PLIN3: variants seen among roughly 807,000 people sequenced by gnomAD.
The protein encoded by PLIN3 is perilipin 3.
Under a neutral mutation model 35.9 loss-of-function variants are expected in PLIN3, and 30 were observed. The ratio of observed to expected loss-of-function variants is 0.84; its 90% confidence interval spans 0.62 to 1.13. PLIN3 has a LOEUF of 1.13. Among genes scored for constraint, PLIN3 ranks in the 50% most tolerant of loss-of-function variants. The probability of loss-of-function intolerance (pLI) is 0.00; values close to 1 mark genes in which losing one functional copy is unlikely to be tolerated. For missense variants in PLIN3, 603 were observed against 596.9 expected (o/e 1.01, Z -0.11); for synonymous variants, 261 against 262.5 (o/e 0.99, Z 0.06).
intron 6 of PLIN3, among the ~76,000 whole-genome samples, chr19:4,846,867 T>C (rs1599161692): frequency 6.6e-6 from 1 of 151,600 alleles, no homozygotes; most frequent in East Asian, 1.9e-4. Flanking sequence ...ATCTGTTGTT[T>C]ACATTTCCCA....
intron 1 of PLIN3, among the ~76,000 whole-genome samples, chr19:4,863,942 C>T (rs1196496852): frequency 1.3e-5 from 2 of 151,992 alleles, no homozygotes; most frequent in East Asian, 1.9e-4. Context: ...AAACTTTCTT[C>T]TCTTTCTTGA....
At chr19:4,866,526 C>T (rs1360582810) in intron 1 of PLIN3, 1 of 152,210 alleles carries the variant, frequency 6.6e-6, no homozygotes, top group Non-Finnish European at 1.5e-5. Context: ...AACTATCTCA[C>T]CGCACTCTGG....
At chr19:4,861,503 A>C (rs967324701) in intron 1 of PLIN3, 92 bp from the exon 2 acceptor site, 17 of 829,346 alleles carry the variant, frequency 2.0e-5, no homozygotes, top group Middle Eastern at 2.4e-4. Flanking sequence ...GACAGGGTTC[A>C]CACCTGCCCA....
intron 1 of PLIN3, among the ~76,000 whole-genome samples, chr19:4,864,111 G>A (rs1488669494): frequency 2.2e-3 from 20 of 9,296 alleles, no homozygotes; most frequent in South Asian, 0.014. Context: ...GTGTGTGTGT[G>A]TGTGTGTGTG....
chr19:4,856,658 G>A lies in PLIN3; in HGVS notation c.348+2932C>T, dbSNP rs1012722478. On this transcript the variant is annotated intron_variant, in intron 4 of 7. Transcript: ENST00000221957. ...AGCCTGTGCCCTGGTCCCAGCTGGG[G>A]AGACAAACAATAACCGATTAAGCCT... 5.3e-5 allele frequency among the ~76,000 whole-genome samples: 8 copies of A among 151,896 alleles called. No homozygotes were observed. The East Asian group carries it at 1.6e-3, about 30-fold the overall frequency.
At chr19:4,856,870 T>C (rs2030493807) in intron 4 of PLIN3, among the ~76,000 whole-genome samples, 1 of 151,830 alleles carries the variant, frequency 6.6e-6, no homozygotes, top group Non-Finnish European at 1.5e-5. Flanking sequence ...CACGCCTGGC[T>C]GATTTTTGAA....
At chr19:4,842,785 G>A (rs978577887) in intron 7 of PLIN3, among the ~76,000 whole-genome samples, 2 of 152,030 alleles carry the variant, frequency 1.3e-5, no homozygotes, top group African/African-American at 4.8e-5. Context: ...CGGGGAAACA[G>A]GAGACAGTTT....
intron 1 of PLIN3, among the ~76,000 whole-genome samples, chr19:4,865,380 A>G (rs1395311054): frequency 1.3e-5 from 2 of 150,070 alleles, no homozygotes; most frequent in African/African-American, 4.9e-5. Context: ...TCCCAGCTAC[A>G]CAGGAGGCTG....
intron 1 of PLIN3, among the ~76,000 whole-genome samples, chr19:4,862,306 A>AT (rs1490786396): frequency 1.3e-5 from 2 of 150,932 alleles, no homozygotes; most frequent in Admixed American, 6.6e-5. Flanking sequence ...AATTTTTTGT[A>AT]TTTTTTTAGT....
At chr19:4,860,513 C>T (rs2030640603) in intron 2 of PLIN3, among the ~76,000 whole-genome samples, 1 of 152,048 alleles carries the variant, frequency 6.6e-6, no homozygotes, top group South Asian at 2.1e-4. Context: ...CACGTGCTTC[C>T]TTGAACACAG....
chr19:4,861,553 G>T, intron 1 of PLIN3, 142 bp from the exon 2 acceptor site: 1 of 615,724 alleles, frequency 1.6e-6, no homozygotes, highest in Admixed American at 2.7e-5. Flanking sequence ...GCAGGCACAA[G>T]AGTGACCTCT....
At chr19:4,852,959 C>A (rs1390745081) in intron 4 of PLIN3, among the ~76,000 whole-genome samples, 1 of 151,948 alleles carries the variant, frequency 6.6e-6, no homozygotes, top group Non-Finnish European at 1.5e-5. Flanking sequence ...GGATTACAGG[C>A]ATGCGCCACC....
rs949714666 is a variant in PLIN3, at chr19:4,867,657, G to C, written c.-66C>G. The C allele has an allele frequency of 1.3e-5, 2 of 152,156 alleles. No individual in the cohort carries two copies. Among genetic ancestry groups the C allele is most frequent in the African/African-American group, 4.8e-5 (2 of 41,420 alleles). 9.4% of individuals were successfully genotyped at this position (152,156 alleles called of 1,614,324 possible). On this transcript the variant is annotated 5_prime_UTR_variant, in exon 1 of 8. Coordinates refer to ENST00000221957, the MANE Select transcript of PLIN3 (RefSeq NM_005817.5). ...AACAGCTGCCGCGACTTCAAAACCA[G>C]CTTGGAAACCGTCCGGGCCGAGGCG...
intron 6 of PLIN3, among the ~76,000 whole-genome samples, chr19:4,846,134 G>A (rs2030087530): frequency 6.6e-6 from 1 of 151,860 alleles, no homozygotes; most frequent in Non-Finnish European, 1.5e-5. Flanking sequence ...GCTGAGGCAG[G>A]AGAATGGCAT....
chr19:4,841,837 G>A (rs768164785), intron 7 of PLIN3, among the ~76,000 whole-genome samples: 36 of 148,878 alleles, frequency 2.4e-4, no homozygotes, highest in Non-Finnish European at 4.6e-4. Flanking sequence ...TCCGGGAGGC[G>A]GAGCTTGCAG....
intron 6 of PLIN3, among the ~76,000 whole-genome samples, chr19:4,845,802 T>C (rs1038620120): frequency 1.3e-5 from 2 of 149,320 alleles, no homozygotes; most frequent in African/African-American, 5.0e-5. Context: ...TGGGCGCCTG[T>C]AGTCCCAGCT....
At chr19:4,861,460 AG>A (rs1326005632) in intron 1 of PLIN3, 49 bp from the exon 2 acceptor site, 1 of 1,379,030 alleles carries the variant, frequency 7.3e-7, no homozygotes, top group Admixed American at 1.7e-5. Context: ...CCCACCTTCC[AG>A]GAGAAAGTCC....
intron 7 of PLIN3, among the ~76,000 whole-genome samples, chr19:4,843,433 G>A (rs1284430994): frequency 1.3e-5 from 2 of 150,058 alleles, no homozygotes; most frequent in Non-Finnish European, 3.0e-5. Context: ...GCGTGAACCT[G>A]GGAGGCAGAG....
At position 4,859,668 on chromosome 19, in the gene PLIN3, T is replaced by C; in HGVS notation, c.270A>G (p.Ala90=). 2 of 1,614,086 alleles carry C rather than the reference T, an allele frequency of 1.2e-6. No individual in the cohort carries two copies. Among genetic ancestry groups the C allele is most frequent in the Non-Finnish European group, 1.7e-6 (2 of 1,179,976 alleles). ...CCCTGTGGGCGTATTCGCTGGCTGA[T>C]GCAACTGCCAACAACAATTAAGACG... The part of the protein sequence containing the change: ...PILSKLEPQI[A]SASEYAHRGL... The change falls in exon 4 of 8, where the codon GCA becomes GCG. Residue 90 remains alanine (A), a synonymous_variant. Transcript: ENST00000221957.
Sources: allele counts gnomAD v4.1 joint callset (sites outside exome capture counted in the v4.1 genomes callset), GRCh38; gene constraint gnomAD v4.1.1; transcripts MANE v1.5; gene names NCBI Gene and HGNC (gene_info 2026-07-23, HGNC 2026-07-21).